Variants in PSD3 observed in about 807,000 individuals in gnomAD.
The protein encoded by PSD3 is pleckstrin and Sec7 domain containing 3, also known as PH and SEC7 domain-containing protein 3.
A neutral mutation model predicts 105.5 loss-of-function variants in PSD3; 49 were observed. The ratio of observed to expected loss-of-function variants is 0.46; its 90% confidence interval spans 0.37 to 0.59. The LOEUF (loss-of-function observed/expected upper bound fraction) is 0.59, where lower values mean the gene tolerates loss of function less well. PSD3 is among the 20% of genes least tolerant of loss of function. The pLI is 0.00. For missense variants in PSD3, 1,561 were observed against 1,263.8 expected (o/e 1.24, Z -3.57); for synonymous variants, 557 against 457.8 (o/e 1.22, Z -2.77).
intron 10 of PSD3, among the ~76,000 whole-genome samples, chr8:18,641,286 C>T (rs1375576840): frequency 2.6e-5 from 4 of 152,152 alleles, no homozygotes; most frequent in Non-Finnish European, 5.9e-5. Flanking sequence ...TGCTTGGGAA[C>T]TGGTATCCCT....
rs781236084 is a variant in PSD3, at chr8:18,872,585, A to C, written c.279T>G (p.Gly93=). 1 of 1,614,056 alleles carries C rather than the reference A, an allele frequency of 6.2e-7. No individual in the cohort carries two copies. Among genetic ancestry groups the C allele is most frequent in the Non-Finnish European group, 8.5e-7 (1 of 1,180,012 alleles). ...ALPCHPQEQQ[G]VQPLTGCHSG... ...AGTGGCAGCCAGTAAGAGGCTGGACACCCTGCTGCTCTTGTGGGTGGCATG... is the reference window on the plus strand; with the variant it reads ...AGTGGCAGCCAGTAAGAGGCTGGACCCCCTGCTGCTCTTGTGGGTGGCATG... The change falls in exon 3 of 16, where the codon GGT becomes GGG. Residue 93 remains glycine, a synonymous_variant. Coordinates refer to ENST00000327040, the MANE Select transcript of PSD3 (RefSeq NM_015310.4).
chr8:18,600,273 C>T, intron 12 of PSD3, 91 bp downstream of exon 12: 2 of 1,163,498 alleles, frequency 1.7e-6, no homozygotes, highest in Non-Finnish European at 2.5e-6. Flanking sequence ...AGTGAAACCA[C>T]AGATAAGGGA....
At chr8:18,903,520 C>G (rs1819647341) in intron 2 of PSD3, among the ~76,000 whole-genome samples, 1 of 152,170 alleles carries the variant, frequency 6.6e-6, no homozygotes, top group Non-Finnish European at 1.5e-5. Flanking sequence ...AGGGCCTAGA[C>G]CAGCTCCACG....
intron 11 of PSD3, among the ~76,000 whole-genome samples, chr8:18,616,238 A>G (rs989246108): frequency 6.6e-6 from 1 of 152,228 alleles, no homozygotes; most frequent in Non-Finnish European, 1.5e-5. Context: ...CGTTTCTTCC[A>G]TTTATCAGAT....
chr8:18,618,791 C>T (rs1166158679), intron 11 of PSD3, among the ~76,000 whole-genome samples: 1 of 152,012 alleles, frequency 6.6e-6, no homozygotes, highest in Non-Finnish European at 1.5e-5. Context: ...AGCAATCCTC[C>T]CACCTTAGCC....
chr8:18,904,851 T>C (rs1208328231), intron 2 of PSD3, among the ~76,000 whole-genome samples: 2 of 152,194 alleles, frequency 1.3e-5, no homozygotes, highest in African/African-American at 4.8e-5. Context: ...AAATGTGATC[T>C]AGAAAGACAA....
chr8:18,881,337 A>C (rs571963309), intron 2 of PSD3, among the ~76,000 whole-genome samples: 11 of 152,326 alleles, frequency 7.2e-5, no homozygotes, highest in African/African-American at 2.6e-4. Context: ...ATGAAATAGA[A>C]AGAAATTTCT....
chr8:18,547,394 T>A (rs12675422), intron 15 of PSD3, among the ~76,000 whole-genome samples: 3 of 152,002 alleles, frequency 2.0e-5, no homozygotes, highest in Non-Finnish European at 4.4e-5. Context: ...TAGTAAGAAC[T>A]GCAGGTCTCT....
intron 2 of PSD3, among the ~76,000 whole-genome samples, chr8:18,885,462 A>G (rs1818394163): frequency 6.6e-6 from 1 of 152,216 alleles, no homozygotes; most frequent in African/African-American, 2.4e-5. Flanking sequence ...ATGTTTCAAA[A>G]AACCATACAA....
At chr8:18,876,927 C>G (rs1817768730) in intron 2 of PSD3, among the ~76,000 whole-genome samples, 1 of 152,198 alleles carries the variant, frequency 6.6e-6, no homozygotes, top group South Asian at 2.1e-4. Context: ...TCCCTAATGA[C>G]TAATTATGTT....
intron 9 of PSD3, among the ~76,000 whole-genome samples, chr8:18,684,961 T>G (rs1032784290): frequency 1.3e-5 from 2 of 152,220 alleles, no homozygotes; most frequent in African/African-American, 4.8e-5. Flanking sequence ...TTGAGCATAC[T>G]ACTCAGGATT....
intron 1 of PSD3, among the ~76,000 whole-genome samples, chr8:19,024,464 C>T (rs938314540): frequency 6.6e-6 from 1 of 152,160 alleles, no homozygotes; most frequent in Non-Finnish European, 1.5e-5. Context: ...AACTCATTGT[C>T]TAACTGTGTG....
intron 1 of PSD3, among the ~76,000 whole-genome samples, chr8:18,961,282 C>T (rs1823898167): frequency 6.6e-6 from 1 of 152,204 alleles, no homozygotes; most frequent in African/African-American, 2.4e-5. Context: ...CAACTCAATA[C>T]TTACGAGTCC....
intron 4 of PSD3, among the ~76,000 whole-genome samples, chr8:18,805,789 C>T (rs939484685): frequency 2.6e-5 from 4 of 152,110 alleles, no homozygotes; most frequent in African/African-American, 4.8e-5. Context: ...CAAACCTTTG[C>T]GGGCAGATAC....
intron 12 of PSD3, among the ~76,000 whole-genome samples, chr8:18,575,634 A>G (rs1272354200): frequency 6.6e-6 from 1 of 152,192 alleles, no homozygotes. Flanking sequence ...ACTTGGACCA[A>G]TAGTGTGATT....
intron 15 of PSD3, among the ~76,000 whole-genome samples, chr8:18,547,113 C>T (rs1006350789): frequency 6.6e-6 from 1 of 152,160 alleles, no homozygotes; most frequent in Non-Finnish European, 1.5e-5. Flanking sequence ...TTCCTGGGCC[C>T]TAGCACTGGG....
intron 4 of PSD3, among the ~76,000 whole-genome samples, chr8:18,812,410 A>G (rs1043494163): frequency 1.3e-5 from 2 of 152,192 alleles, no homozygotes; most frequent in Non-Finnish European, 2.9e-5. Flanking sequence ...CTGAGTAAAG[A>G]TCTAACATTA....
At chr8:18,645,847 T>A (rs915238495) in intron 10 of PSD3, among the ~76,000 whole-genome samples, 2 of 152,206 alleles carry the variant, frequency 1.3e-5, no homozygotes, top group African/African-American at 4.8e-5. Context: ...TATTCCTTCT[T>A]TGTAGTCAAA....
intron 1 of PSD3, among the ~76,000 whole-genome samples, chr8:19,034,173 G>T (rs1479478489): frequency 6.6e-6 from 1 of 152,162 alleles, no homozygotes; most frequent in Non-Finnish European, 1.5e-5. Context: ...TTTTCCCAGA[G>T]TTAAGGCTAG....
Sources: allele counts gnomAD v4.1 joint callset (sites outside exome capture counted in the v4.1 genomes callset), GRCh38; gene constraint gnomAD v4.1.1; transcripts MANE v1.5; gene names NCBI Gene and HGNC (gene_info 2026-07-23, HGNC 2026-07-21).